The following ADAMTS3 variants were observed in gnomAD, a reference collection of about 807,000 sequenced individuals.
The protein encoded by ADAMTS3 is ADAM metallopeptidase with thrombospondin type 1 motif 3.
Under a neutral mutation model 129.0 loss-of-function variants are expected in ADAMTS3, and 73 were observed. The observed-to-expected ratio is 0.57, with a 90% CI of 0.47 to 0.69. ADAMTS3 has a LOEUF of 0.69. ADAMTS3 is among the 30% of genes least tolerant of loss of function. The pLI is 0.00. For synonymous variants in ADAMTS3, 477 were observed against 510.8 expected, an observed-to-expected ratio of 0.93 and a Z score of 0.89; for missense variants, 1,457 against 1,514.5, an observed-to-expected ratio of 0.96 and a Z score of 0.63.
chr4:72,341,260 G>C (rs983078491), intron 4 of ADAMTS3, among the ~76,000 whole-genome samples: 1 of 152,132 alleles, frequency 6.6e-6, no homozygotes, highest in African/African-American at 2.4e-5. Context: ...GACATGGTCT[G>C]AATGTGACTA....
intron 3 of ADAMTS3, among the ~76,000 whole-genome samples, chr4:72,420,374 G>T (rs1466307737): frequency 1.3e-5 from 2 of 152,018 alleles, no homozygotes; most frequent in African/African-American, 4.8e-5. Flanking sequence ...CCTCTACTTG[G>T]AATCCTCTTC....
chr4:72,449,287 G>A (rs948187242), intron 3 of ADAMTS3, among the ~76,000 whole-genome samples: 3 of 151,478 alleles, frequency 2.0e-5, no homozygotes, highest in Non-Finnish European at 4.4e-5. Context: ...ATCTCCCTGG[G>A]ACATCTAACA....
intron 5 of ADAMTS3, among the ~76,000 whole-genome samples, chr4:72,335,403 G>C (rs1719964241): frequency 6.6e-6 from 1 of 152,100 alleles, no homozygotes; most frequent in South Asian, 2.1e-4. Context: ...CCAAAAGGTG[G>C]ACAACTTGCA....
intron 3 of ADAMTS3, among the ~76,000 whole-genome samples, chr4:72,420,314 T>G (rs1722410450): frequency 6.6e-6 from 1 of 152,322 alleles, no homozygotes; most frequent in East Asian, 1.9e-4. Context: ...TTGCTGATTC[T>G]TGAATACTTA....
intron 4 of ADAMTS3, among the ~76,000 whole-genome samples, chr4:72,402,473 C>T (rs1721948528): frequency 6.6e-6 from 1 of 152,080 alleles, no homozygotes; most frequent in Admixed American, 6.6e-5. Flanking sequence ...TTAATATTGT[C>T]TTCACAGTTT....
intron 3 of ADAMTS3, among the ~76,000 whole-genome samples, chr4:72,474,622 T>C (rs1257800559): frequency 6.6e-6 from 1 of 152,102 alleles, no homozygotes; most frequent in Non-Finnish European, 1.5e-5. Flanking sequence ...CATACTTCAT[T>C]CAAACTGGTA....
chr4:72,497,177 G>C (rs537498208), intron 3 of ADAMTS3, among the ~76,000 whole-genome samples: 1 of 151,802 alleles, frequency 6.6e-6, no homozygotes, highest in African/African-American at 2.4e-5. Flanking sequence ...TAAAGCTGTT[G>C]GAAGTATTTT....
rs866083359 is a variant in ADAMTS3 at position 72,456,112 on chromosome 4, A to G, written c.505-41141T>C. 7.9e-3 allele frequency among the ~76,000 whole-genome samples: 336 copies of G among 42,274 alleles called. 51 individuals carry two copies. The highest frequency in any genetic ancestry group is 0.05 in the African/African-American group (303 of 6,110). 27.7% of individuals were successfully genotyped at this position (42,274 alleles called of 152,430 possible). A position where few individuals can be genotyped will look rare whatever the true frequency, so the allele number is the denominator to read the frequency against. On this transcript the variant is annotated intron_variant, in intron 3 of 21. Transcript: ENST00000286657. ...ATTTTATATATATAGTATATATACT[A>G]TATATATTTTATATATAGTATATAT...
chr4:72,358,624 T>A lies in ADAMTS3; in HGVS notation c.662-18931A>T, dbSNP rs150793368. Among the ~76,000 whole-genome samples, 998 of 152,148 alleles carry A rather than the reference T, an allele frequency of 6.6e-3. 5 individuals carry two copies. Among genetic ancestry groups the A allele is most frequent in the African/African-American group, 0.023 (952 of 41,546 alleles). On this transcript the variant is annotated intron_variant, in intron 4 of 21. Coordinates refer to ENST00000286657, the MANE Select transcript of ADAMTS3 (RefSeq NM_014243.3). The stretch of plus-strand genomic sequence containing the variant: ...ATATTCCTATCCTTCAAAAACATTA[T>A]AAATCTTTTATCTGCCATCTAGATT...
chr4:72,393,315 G>T (rs569453071), intron 4 of ADAMTS3, among the ~76,000 whole-genome samples: 2 of 152,066 alleles, frequency 1.3e-5, no homozygotes, highest in Admixed American at 6.6e-5. Context: ...GTCTGCTGTG[G>T]GATATTATAT....
At chr4:72,475,164 T>G (rs2109998262) in intron 3 of ADAMTS3, among the ~76,000 whole-genome samples, 1 of 151,974 alleles carries the variant, frequency 6.6e-6, no homozygotes, top group African/African-American at 2.4e-5. Context: ...AGCCCTAACA[T>G]ATTAATAATT....
intron 10 of ADAMTS3, among the ~76,000 whole-genome samples, chr4:72,316,700 A>C (rs1719406215): frequency 8.1e-5 from 8 of 98,858 alleles, no homozygotes; most frequent in African/African-American, 1.8e-4. Flanking sequence ...CAAAATAATA[A>C]TAATAATAAT....
intron 4 of ADAMTS3, among the ~76,000 whole-genome samples, chr4:72,391,280 T>A (rs917807983): frequency 1.3e-5 from 2 of 152,234 alleles, no homozygotes; most frequent in African/African-American, 2.4e-5. Context: ...ATTTACTTTG[T>A]GTATATTGTC....
chr4:72,356,414 T>A (rs1336735193), intron 4 of ADAMTS3, among the ~76,000 whole-genome samples: 1 of 151,910 alleles, frequency 6.6e-6, no homozygotes, highest in Non-Finnish European at 1.5e-5. Context: ...TTAAAACAAG[T>A]AATTTTTATT....
intron 3 of ADAMTS3, among the ~76,000 whole-genome samples, chr4:72,416,216 T>C (rs76079477): frequency 8.5e-5 from 3 of 35,118 alleles, no homozygotes; most frequent in African/African-American, 2.3e-4. Flanking sequence ...TAAATAAATA[T>C]ATATATATTT....
chr4:72,381,676 C>T (rs143748068), intron 4 of ADAMTS3, among the ~76,000 whole-genome samples: 75 of 152,020 alleles, frequency 4.9e-4, no homozygotes, highest in African/African-American at 1.5e-3. Context: ...AACTGGACTG[C>T]AAAAGTGTTA....
intron 3 of ADAMTS3, among the ~76,000 whole-genome samples, chr4:72,493,959 TTGTA>T (rs1183167593): frequency 6.6e-6 from 1 of 152,154 alleles, no homozygotes; most frequent in Non-Finnish European, 1.5e-5. Flanking sequence ...AGAGGTCACC[TTGTA>T]TGTGATGAGT....
In ADAMTS3 at chr4:72,416,974, G is replaced by A. The variant is rs75722329; in HGVS notation, c.505-2003C>T. On this transcript the variant is annotated intron_variant, in intron 3 of 21. Transcript: ENST00000286657. ...ACACCATCTGCTGGTAGCAAAAAGC[G>A]TGAACCGGCTTTATCCCAGAAAGAT... 7.0e-3 allele frequency among the ~76,000 whole-genome samples: 1,059 copies of A among 152,266 alleles called. 6 individuals carry two copies. The highest frequency in any genetic ancestry group is 0.024 in the African/African-American group (1,001 of 41,532).
chr4:72,498,013 G>C (rs1719912537), intron 3 of ADAMTS3, among the ~76,000 whole-genome samples: 1 of 151,930 alleles, frequency 6.6e-6, no homozygotes, highest in South Asian at 2.1e-4. Flanking sequence ...TTGGCCCTTA[G>C]CTCTCTAAAT....
Sources: allele counts gnomAD v4.1 joint callset (sites outside exome capture counted in the v4.1 genomes callset), GRCh38; gene constraint gnomAD v4.1.1; transcripts MANE v1.5; gene names NCBI Gene and HGNC (gene_info 2026-07-23, HGNC 2026-07-21).